Variants in MYCBP2 observed in about 807,000 individuals in gnomAD.
MYCBP2 encodes the protein E3 ubiquitin-protein ligase MYCBP2.
A neutral mutation model predicts 525.3 loss-of-function variants in MYCBP2; 120 were observed. The ratio of observed to expected loss-of-function variants is 0.23; its 90% CI spans 0.20 to 0.27. The LOEUF is 0.27. Among genes scored for constraint, MYCBP2 ranks in the 10% least tolerant of loss-of-function variants. The pLI is 1.00. For synonymous variants in MYCBP2, 1,894 were observed against 1,955.8 expected (o/e 0.97, Z 0.83); for missense variants, 4,149 against 5,657.1 (o/e 0.73, Z 8.55).
intron 20 of MYCBP2, among the ~76,000 whole-genome samples, chr13:77,219,381 A>ATC (rs1448383304): frequency 1.2e-4 from 18 of 152,182 alleles, no homozygotes; most frequent in African/African-American, 4.3e-4. Context: ...TACACAAAGT[A>ATC]GCTCTAAGTA....
At chr13:77,287,027 GGC>G (rs1050114910) in intron 3 of MYCBP2, among the ~76,000 whole-genome samples, 2 of 147,934 alleles carry the variant, frequency 1.4e-5, no homozygotes, top group African/African-American at 5.0e-5. Context: ...TGGGACTACA[GGC>G]GCCCGCCACC....
chr13:77,118,156 AAATGTCTTAGCTGCAG>A, intron 55 of MYCBP2, among the ~76,000 whole-genome samples: 1 of 152,230 alleles, frequency 6.6e-6, no homozygotes, highest in African/African-American at 2.4e-5. Flanking sequence ...AATCAACTTT[AAATGTCTTAGCTGCAG>A]AATGTCTTAG....
Position 77,200,227 on chromosome 13 carries a change from G to A in MYCBP2, c.3843+5029C>T, listed in dbSNP as rs1371032757. On this transcript the variant is annotated intron_variant, in intron 26 of 82. Transcript: ENST00000544440. ...CTGATGGAGATGAAAACCAAGGCTC[G>A]AGAACTACGTGAAGAATGCAGAAGC... Among the ~76,000 whole-genome samples, 8 of 152,244 alleles carry A rather than the reference G, an allele frequency of 5.3e-5. No homozygotes were observed. In the East Asian group the frequency reaches 5.8e-4, roughly 11 times the overall value.
chr13:77,218,614 G>A (rs1387975157), intron 20 of MYCBP2, among the ~76,000 whole-genome samples: 2 of 152,080 alleles, frequency 1.3e-5, no homozygotes, highest in Admixed American at 1.3e-4. Context: ...ACTAACAAAC[G>A]GTGTCTACCC....
chr13:77,045,488 TG>T lies in MYCBP2; in HGVS notation c.13926del (p.Gly4644AlafsTer4). On this transcript the variant is annotated frameshift_variant, in exon 83 of 83. Transcript: ENST00000544440. LOFTEE classifies it high-confidence loss of function. Reference sequence around the variant, plus strand: ...TCAGTTCCTTCTAACTGCTTGCCTTTGGGACCTGTATAAATTTGAAGGAGGC... The same window carrying T: ...TCAGTTCCTTCTAACTGCTTGCCTTTGGACCTGTATAAATTTGAAGGAGGC... Reference protein sequence around the residue: ...KEELPHCPAGPKGKQLEGTEC... With the variant: ...KEELPHCPAGXKGKQLEGTEC... The T allele has an allele frequency of 6.2e-7, 1 of 1,611,496 alleles. No individual in the cohort carries two copies. Among genetic ancestry groups the T allele is most frequent in the East Asian group, 2.2e-5 (1 of 44,872 alleles).
chr13:77,122,812 T>A (rs1259898162), intron 54 of MYCBP2, among the ~76,000 whole-genome samples: 1 of 152,102 alleles, frequency 6.6e-6, no homozygotes, highest in Non-Finnish European at 1.5e-5. Flanking sequence ...TGGTACTGTA[T>A]AATCTATCCC....
chr13:77,251,785 G>C (rs1047133592), intron 14 of MYCBP2, among the ~76,000 whole-genome samples: 1 of 152,130 alleles, frequency 6.6e-6, no homozygotes, highest in Non-Finnish European at 1.5e-5. Flanking sequence ...CAAACCTCCA[G>C]TGACCTTCCA....
At chr13:77,234,309 T>C (rs180826899) in intron 17 of MYCBP2, among the ~76,000 whole-genome samples, 1 of 151,952 alleles carries the variant, frequency 6.6e-6, no homozygotes, top group African/African-American at 2.4e-5. Context: ...TATGACACTA[T>C]ATAAGCACTG....
intron 2 of MYCBP2, among the ~76,000 whole-genome samples, chr13:77,289,614 T>C (rs947452003): frequency 1.3e-5 from 2 of 152,122 alleles, no homozygotes; most frequent in Admixed American, 1.3e-4. Flanking sequence ...GACTGAATGC[T>C]TTCCCTCTAA....
chr13:77,083,229 T>C (rs1309942459), intron 62 of MYCBP2, 37 bp from the exon 63 acceptor site: 2 of 1,585,322 alleles, frequency 1.3e-6, no homozygotes, highest in Admixed American at 1.7e-5. Flanking sequence ...TCAGTTTGTG[T>C]GCTGGAAGGA....
At chr13:77,163,207 G>T (rs1242724304) in intron 43 of MYCBP2, among the ~76,000 whole-genome samples, 1 of 152,130 alleles carries the variant, frequency 6.6e-6, no homozygotes, top group African/African-American at 2.4e-5. Flanking sequence ...TTGAGTATTT[G>T]TGCAAGTATG....
Position 77,242,722 on chromosome 13 carries a change from C to T in MYCBP2, c.2629+337G>A, listed in dbSNP as rs144898759. On this transcript the variant is annotated intron_variant, in intron 17 of 82. Transcript: ENST00000544440. ...ATGAGTCCAAAGTCCGGGTGAAGGA[C>T]AAGTTGTGAGAATATCTATTTTTAA... Among the ~76,000 whole-genome samples the T allele has an allele frequency of 6.8e-3, 1,042 of 152,278 alleles. 5 individuals are homozygous for T. Among genetic ancestry groups the T allele is most frequent in the Non-Finnish European group, 0.011 (741 of 68,012 alleles).
intron 34 of MYCBP2, among the ~76,000 whole-genome samples, chr13:77,179,866 G>C (rs2060051673): frequency 6.6e-6 from 1 of 152,136 alleles, no homozygotes; most frequent in South Asian, 2.1e-4. Flanking sequence ...GTGGGCTTGT[G>C]CAATGGGGCA....
Position 77,055,774 on chromosome 13 carries a change from T to C in MYCBP2, c.13438-7A>G. The C allele has an allele frequency of 2.6e-5, 41 of 1,596,762 alleles. No homozygotes were observed. The highest frequency in any genetic ancestry group is 3.5e-5 in the Non-Finnish European group (41 of 1,167,376). On this transcript the variant is annotated splice_region_variant and splice_polypyrimidine_tract_variant and intron_variant, in intron 79 of 82. Transcript: ENST00000544440. The stretch of plus-strand genomic sequence containing the variant: ...CTATGTGATTAATTTTGTTCTGCAA[T>C]AAAAAATGAACACTCTTTAGCAGAA...
At chr13:77,307,698 T>A (rs183134081) in intron 1 of MYCBP2, among the ~76,000 whole-genome samples, 2 of 148,696 alleles carry the variant, frequency 1.3e-5, no homozygotes, top group South Asian at 4.5e-4. Context: ...ATCAAACTCA[T>A]GCAAGTCTAT....
intron 52 of MYCBP2, among the ~76,000 whole-genome samples, chr13:77,131,928 C>T (rs907768376): frequency 1.3e-5 from 2 of 151,990 alleles, no homozygotes; most frequent in African/African-American, 4.8e-5. Context: ...ACCAACCATG[C>T]CAAATGCTCA....
chr13:77,221,390 A>T (rs1020534821), intron 20 of MYCBP2, among the ~76,000 whole-genome samples: 2 of 152,118 alleles, frequency 1.3e-5, no homozygotes, highest in Non-Finnish European at 2.9e-5. Flanking sequence ...TTAAAAGCTG[A>T]CATGAACACC....
At chr13:77,295,076 T>C (rs1039659528) in intron 2 of MYCBP2, among the ~76,000 whole-genome samples, 1 of 152,160 alleles carries the variant, frequency 6.6e-6, no homozygotes. Flanking sequence ...TCACAGGTAA[T>C]AAGTCCACAC....
At chr13:77,274,803 C>A (rs2075330664) in intron 4 of MYCBP2, among the ~76,000 whole-genome samples, 1 of 152,170 alleles carries the variant, frequency 6.6e-6, no homozygotes. Context: ...AACCAAAAAT[C>A]TGATTGTCTA....
Sources: allele counts gnomAD v4.1 joint callset (sites outside exome capture counted in the v4.1 genomes callset), GRCh38; gene constraint gnomAD v4.1.1; transcripts MANE v1.5; gene names NCBI Gene and HGNC (gene_info 2026-07-23, HGNC 2026-07-21).